The following PAPPA2 variants were observed in gnomAD, a reference collection of about 807,000 sequenced individuals.
PAPPA2 encodes pappalysin-2.
A neutral mutation model predicts 176.4 loss-of-function variants in PAPPA2; 86 were observed. The observed-to-expected ratio is 0.49, with a 90% confidence interval of 0.41 to 0.58. The LOEUF (loss-of-function observed/expected upper bound fraction) is 0.58. PAPPA2 is among the 20% of genes least tolerant of loss of function. The pLI is 0.00. For synonymous variants in PAPPA2, 809 were observed against 852.2 expected, an observed-to-expected ratio of 0.95 and a Z score of 0.88; for missense variants, 2,073 against 2,256.9, an observed-to-expected ratio of 0.92 and a Z score of 1.65.
chr1:176,563,374 G>A lies in PAPPA2; in HGVS notation c.919+6133G>A, dbSNP rs531711793. ...CTTACCTGTTTCATGTGAAGGAGGGGCTTAATTACTTTAAGGAAGTTTAAA... is the reference window on the plus strand; with the variant it reads ...CTTACCTGTTTCATGTGAAGGAGGGACTTAATTACTTTAAGGAAGTTTAAA... On this transcript the variant is annotated intron_variant, in intron 2 of 22. Transcript: ENST00000367662. 2.6e-5 allele frequency among the ~76,000 whole-genome samples: 4 copies of A among 152,300 alleles called. No homozygotes were observed. The South Asian group carries it at 8.3e-4, about 32-fold the overall frequency.
intron 1 of PAPPA2, among the ~76,000 whole-genome samples, chr1:176,468,444 T>C (rs932983849): frequency 2.6e-5 from 4 of 152,162 alleles, no homozygotes; most frequent in African/African-American, 9.7e-5. Context: ...GCCAACTCTT[T>C]ATGGATACCT....
At chr1:176,616,631 A>G (rs1655278017) in intron 3 of PAPPA2, 9 of 1,570,750 alleles carry the variant, frequency 5.7e-6, no homozygotes, top group Admixed American at 1.7e-5. Context: ...GAGTAGTGTC[A>G]TAAGTTGCTT....
chr1:176,568,835 C>CGAGA (rs1220160708), intron 2 of PAPPA2, among the ~76,000 whole-genome samples: 1 of 152,152 alleles, frequency 6.6e-6, no homozygotes, highest in Non-Finnish European at 1.5e-5. Flanking sequence ...GTCTCTAACC[C>CGAGA]GAGAGATCAA....
chr1:176,503,027 A>T (rs577359706), intron 1 of PAPPA2, among the ~76,000 whole-genome samples: 1 of 152,174 alleles, frequency 6.6e-6, no homozygotes, highest in African/African-American at 2.4e-5. Context: ...ACACAAATAT[A>T]TTACCTTGTA....
chr1:176,572,345 C>T (rs1284973699), intron 2 of PAPPA2, among the ~76,000 whole-genome samples: 3 of 152,198 alleles, frequency 2.0e-5, no homozygotes, highest in Non-Finnish European at 2.9e-5. Context: ...AGCTATTGCA[C>T]AGCAGAGGTT....
At chr1:176,669,995 T>A (rs953541) in intron 3 of PAPPA2, among the ~76,000 whole-genome samples, 11,280 of 152,150 alleles carry the variant, frequency 0.074, 1,386 homozygotes, top group African/African-American at 0.26. Flanking sequence ...GACGCTGTGA[T>A]AGGAACATTC....
intron 3 of PAPPA2, among the ~76,000 whole-genome samples, chr1:176,600,833 C>T (rs947476993): frequency 1.3e-5 from 2 of 152,082 alleles, no homozygotes; most frequent in Non-Finnish European, 2.9e-5. Context: ...GAAGCACCTT[C>T]GACTGTTGAG....
At chr1:176,807,133 C>T (rs938599453) in intron 21 of PAPPA2, among the ~76,000 whole-genome samples, 10 of 152,166 alleles carry the variant, frequency 6.6e-5, no homozygotes, top group African/African-American at 1.4e-4. Context: ...ATTTGATAAA[C>T]ATAATTGAGT....
chr1:176,644,418 T>C (rs1398064962), intron 3 of PAPPA2, among the ~76,000 whole-genome samples: 1 of 151,872 alleles, frequency 6.6e-6, no homozygotes, highest in Non-Finnish European at 1.5e-5. Context: ...ATGTCTATTT[T>C]ATTATCCAGC....
chr1:176,568,310 T>C (rs1276086479), intron 2 of PAPPA2, among the ~76,000 whole-genome samples: 1 of 152,204 alleles, frequency 6.6e-6, no homozygotes, highest in Non-Finnish European at 1.5e-5. Context: ...AAATTTTCCT[T>C]TGACAAGTGG....
At chr1:176,739,894 C>T in intron 13 of PAPPA2, 86 bp from the exon 14 acceptor site, 2 of 1,570,490 alleles carry the variant, frequency 1.3e-6, no homozygotes, top group South Asian at 1.1e-5. Context: ...CATCATACAC[C>T]TATTAAGAGG....
chr1:176,495,583 C>G (rs958210270), intron 1 of PAPPA2, among the ~76,000 whole-genome samples: 10 of 151,074 alleles, frequency 6.6e-5, no homozygotes, highest in African/African-American at 2.4e-4. Context: ...AACTTAACAG[C>G]TAGAGGATGG....
chr1:176,840,492 A>G (rs532831476), intron 22 of PAPPA2, among the ~76,000 whole-genome samples: 52 of 152,314 alleles, frequency 3.4e-4, no homozygotes, highest in African/African-American at 1.2e-3. Flanking sequence ...TTCTTTCAGA[A>G]AAGCCATGGT....
chr1:176,468,941 T>C (rs1254184097), intron 1 of PAPPA2, among the ~76,000 whole-genome samples: 3 of 152,250 alleles, frequency 2.0e-5, no homozygotes, highest in Admixed American at 2.0e-4. Context: ...ATGCATCATT[T>C]CATTAAACAC....
intron 14 of PAPPA2, among the ~76,000 whole-genome samples, chr1:176,742,359 C>G (rs1662722175): frequency 6.6e-6 from 1 of 152,142 alleles, no homozygotes; most frequent in South Asian, 2.1e-4. Context: ...AAGAATTCCC[C>G]TTACAATCAT....
chr1:176,740,433 T>A (rs187842053), intron 14 of PAPPA2, among the ~76,000 whole-genome samples: 3 of 152,350 alleles, frequency 2.0e-5, no homozygotes, highest in Admixed American at 2.0e-4. Context: ...ATATTTAATG[T>A]CTTTACAAGG....
At chr1:176,636,730 A>G (rs1448880380) in intron 3 of PAPPA2, among the ~76,000 whole-genome samples, 3 of 152,154 alleles carry the variant, frequency 2.0e-5, no homozygotes, top group Non-Finnish European at 2.9e-5. Flanking sequence ...TGATCCTTGA[A>G]AAACATTGTA....
intron 11 of PAPPA2, among the ~76,000 whole-genome samples, chr1:176,710,527 T>C (rs1661096718): frequency 6.6e-6 from 1 of 152,180 alleles, no homozygotes; most frequent in Non-Finnish European, 1.5e-5. Flanking sequence ...ACCCTTGATA[T>C]AAGTAAATTC....
chr1:176,548,393 A>C (rs2206511), intron 1 of PAPPA2, among the ~76,000 whole-genome samples: 91,352 of 151,972 alleles, frequency 0.6, 30,193 homozygotes, highest in East Asian at 0.95. Context: ...ACTTTCCCTA[A>C]CTGCTACTGT....
Sources: allele counts gnomAD v4.1 joint callset (sites outside exome capture counted in the v4.1 genomes callset), GRCh38; gene constraint gnomAD v4.1.1; transcripts MANE v1.5; gene names NCBI Gene and HGNC (gene_info 2026-07-23, HGNC 2026-07-21).